Variants in DISC1 observed in about 807,000 individuals in gnomAD.
DISC1 encodes the protein DISC1 scaffold protein.
In DISC1, 57 loss-of-function variants were observed where a neutral mutation model predicts 84.5. That is an observed-to-expected ratio of 0.67 (90% CI 0.55 to 0.84). The LOEUF is 0.84. Among genes scored for constraint, DISC1 ranks in the 40% least tolerant of loss-of-function variants. The probability of loss-of-function intolerance (pLI) is 0.00; values close to 1 mark genes in which losing one functional copy is unlikely to be tolerated. For synonymous variants in DISC1, 411 were observed against 415.2 expected (o/e 0.99, Z 0.12); for missense variants, 1,000 against 1,057.8 (o/e 0.95, Z 0.76).
intron 9 of DISC1, among the ~76,000 whole-genome samples, chr1:231,902,203 G>C (rs1388062831): frequency 9.9e-5 from 15 of 152,080 alleles, no homozygotes; most frequent in Non-Finnish European, 4.4e-5. Context: ...CAGTGGCCCT[G>C]GATAAGTTGA....
intron 2 of DISC1, among the ~76,000 whole-genome samples, chr1:231,697,958 G>A (rs1362391103): frequency 6.6e-6 from 1 of 152,086 alleles, no homozygotes; most frequent in Non-Finnish European, 1.5e-5. Flanking sequence ...AGCTCCCTAA[G>A]CATAGTGCTA....
chr1:231,958,742 CT>C, intron 9 of DISC1, 85 bp from the exon 10 acceptor site: 1 of 1,355,952 alleles, frequency 7.4e-7, no homozygotes, highest in East Asian at 2.3e-5. Context: ...GACCTCAATC[CT>C]TTGGCTTTGA....
At position 232,036,860 on chromosome 1, in the gene DISC1, G is replaced by A; in HGVS notation, c.*29G>A. The A allele has an allele frequency of 1.4e-6, 2 of 1,453,868 alleles. No homozygotes were observed. The highest frequency in any genetic ancestry group is 1.4e-5 in the South Asian group (1 of 72,190). 90.1% of individuals were successfully genotyped at this position (1,453,868 alleles called of 1,614,324 possible). ...GTGACGGGATGGGGGAGGGAGGTGG[G>A]CCACCATGTTTGGACCCGGGGGGCT... On this transcript the variant is annotated 3_prime_UTR_variant, in exon 13 of 13. Coordinates refer to ENST00000439617, the MANE Select transcript of DISC1 (RefSeq NM_018662.3).
chr1:231,694,577 C>G lies in DISC1; in HGVS notation c.819C>G (p.Val273=). 2 of 1,614,254 alleles carry G rather than the reference C, an allele frequency of 1.2e-6. No homozygotes were observed. The highest frequency in any genetic ancestry group is 1.7e-6 in the Non-Finnish European group (2 of 1,180,046). Residue 273 remains valine (V), a synonymous_variant, in exon 2 of 13, where the codon GTC becomes GTG. Transcript: ENST00000439617. ...CCTTCAGTCTCTTGGCTACACGGGTCTCTGCAGACTTGGCCCAGGCCGCAA... is the reference window on the plus strand; with the variant it reads ...CCTTCAGTCTCTTGGCTACACGGGTGTCTGCAGACTTGGCCCAGGCCGCAA... The part of the protein sequence containing the change: ...SRPFSLLATR[V]SADLAQAARN...
At chr1:231,786,775 C>T (rs556949372) in intron 6 of DISC1, among the ~76,000 whole-genome samples, 37 of 152,254 alleles carry the variant, frequency 2.4e-4, no homozygotes, top group Non-Finnish European at 4.9e-4. Context: ...TATCTACACC[C>T]TTCAAGGTAG....
Position 231,641,678 on chromosome 1 carries a change from A to T in DISC1, c.67+14744A>T, listed in dbSNP as rs12088452. ...TGGTACAGCCCAGTCGTCTGTTTTG[A>T]CAGGGCGCTGATTGGTACGTTTACA... is the stretch of plus-strand genomic sequence containing the variant. On this transcript the variant is annotated intron_variant, in intron 1 of 12. Coordinates refer to ENST00000439617, the MANE Select transcript of DISC1 (RefSeq NM_018662.3). 9.3e-3 allele frequency among the ~76,000 whole-genome samples: 1,411 copies of T among 152,252 alleles called. 22 individuals are homozygous for T. The highest frequency in any genetic ancestry group is 0.032 in the African/African-American group (1,315 of 41,546).
intron 12 of DISC1, among the ~76,000 whole-genome samples, chr1:232,026,769 T>TC (rs1558849719): frequency 3.8e-5 from 5 of 130,192 alleles, no homozygotes; most frequent in Admixed American, 2.9e-4. Context: ...TTTCTTTTTT[T>TC]TTTTTTTTTT....
At chr1:232,006,930 T>C (rs990396006) in intron 10 of DISC1, among the ~76,000 whole-genome samples, 44 of 152,240 alleles carry the variant, frequency 2.9e-4, no homozygotes, top group African/African-American at 1.0e-3. Context: ...TGGTGCCCTC[T>C]GTCCCACACA....
At chr1:231,766,943 A>G (rs1281389167) in intron 4 of DISC1, among the ~76,000 whole-genome samples, 197 bp from the exon 5 acceptor site, 6 of 152,204 alleles carry the variant, frequency 3.9e-5, no homozygotes, top group Non-Finnish European at 8.8e-5. Flanking sequence ...ACTAAGGGGA[A>G]AAAGCAAAAA....
At chr1:231,697,740 T>G (rs2065904093) in intron 2 of DISC1, among the ~76,000 whole-genome samples, 1 of 151,550 alleles carries the variant, frequency 6.6e-6, no homozygotes, top group South Asian at 2.1e-4. Context: ...TGAGCCACCA[T>G]GCCTGGTGGT....
At chr1:231,883,834 G>T (rs1483378205) in intron 9 of DISC1, among the ~76,000 whole-genome samples, 1 of 152,142 alleles carries the variant, frequency 6.6e-6, no homozygotes, top group African/African-American at 2.4e-5. Context: ...TGCGTTCAGG[G>T]TTAGCCACCT....
rs374831615 is a variant in DISC1, at chr1:231,984,994, T to A, written c.2043-23791T>A. 2.0e-5 allele frequency among the ~76,000 whole-genome samples: 3 copies of A among 152,170 alleles called. No individual in the cohort carries two copies. In the East Asian group the frequency reaches 5.8e-4, roughly 29 times the overall value. The stretch of plus-strand genomic sequence containing the variant: ...TCATGATCTTGGTCAAATTATTTAA[T>A]CTCTCTAAATTTCAATTTCTCTGTC... On this transcript the variant is annotated intron_variant, in intron 10 of 12. Transcript: ENST00000439617.
rs1381235860 is a variant in DISC1, at chr1:231,648,044, T to C, written c.67+21110T>C. Among the ~76,000 whole-genome samples the C allele has an allele frequency of 2.0e-5, 3 of 152,228 alleles. No individual in the cohort carries two copies. In the East Asian group the frequency reaches 5.8e-4, roughly 29 times the overall value. ...ACTTCCTCTTTTCCTAATGGAATAC[T>C]CTTTATTTCTTTCTCTTGTCTGATG... On this transcript the variant is annotated intron_variant, in intron 1 of 12. Coordinates refer to ENST00000439617, the MANE Select transcript of DISC1 (RefSeq NM_018662.3).
intron 12 of DISC1, among the ~76,000 whole-genome samples, chr1:232,028,454 C>T (rs1326292634): frequency 6.6e-6 from 1 of 152,042 alleles, no homozygotes; most frequent in Non-Finnish European, 1.5e-5. Context: ...CTAGTAAAGA[C>T]CCCTGAAAAA....
chr1:231,642,669 T>C (rs951349634), intron 1 of DISC1, among the ~76,000 whole-genome samples: 1 of 152,214 alleles, frequency 6.6e-6, no homozygotes, highest in Non-Finnish European at 1.5e-5. Flanking sequence ...TTTTCATCTG[T>C]ATGAAATGTA....
At chr1:231,721,069 C>T (rs1348806557) in intron 3 of DISC1, 1 of 1,290,842 alleles carries the variant, frequency 7.7e-7, no homozygotes, top group Admixed American at 2.3e-5. Context: ...TTTTCCAGAG[C>T]CAGGTCTGTC....
At chr1:231,666,509 G>T (rs555304248) in intron 1 of DISC1, among the ~76,000 whole-genome samples, 1 of 152,064 alleles carries the variant, frequency 6.6e-6, no homozygotes, top group African/African-American at 2.4e-5. Context: ...GAAACCCTTA[G>T]CAAATACCTA....
intron 1 of DISC1, among the ~76,000 whole-genome samples, chr1:231,691,965 G>A (rs2065075879): frequency 6.6e-6 from 1 of 152,234 alleles, no homozygotes; most frequent in South Asian, 2.1e-4. Context: ...CTGTCTTGAA[G>A]AAAGAAAGAA....
chr1:231,721,285 C>T (rs2069651230), intron 3 of DISC1, among the ~76,000 whole-genome samples: 1 of 151,426 alleles, frequency 6.6e-6, no homozygotes, highest in African/African-American at 2.4e-5. Flanking sequence ...CTTTTCCACA[C>T]TACAGATGAG....
Sources: allele counts gnomAD v4.1 joint callset (sites outside exome capture counted in the v4.1 genomes callset), GRCh38; gene constraint gnomAD v4.1.1; transcripts MANE v1.5; gene names NCBI Gene and HGNC (gene_info 2026-07-23, HGNC 2026-07-21).